FRMPD4: variants seen among roughly 807,000 people sequenced by gnomAD.
FRMPD4 encodes FERM and PDZ domain containing 4, also known as FERM and PDZ domain-containing protein 4.
Under a neutral mutation model 94.1 loss-of-function variants are expected in FRMPD4, and 22 were observed. That is an observed-to-expected ratio of 0.23 (90% CI 0.17 to 0.33). The LOEUF is 0.33. Ranked by LOEUF, FRMPD4 falls within the 10% of genes least tolerant of loss-of-function variation. The pLI, the probability that FRMPD4 is intolerant of heterozygous loss-of-function variation, is 1.00. For synonymous variants in FRMPD4, 631 were observed against 548.6 expected, an observed-to-expected ratio of 1.15 and a Z score of -2.10; for missense variants, 1,111 against 1,339.9, an observed-to-expected ratio of 0.83 and a Z score of 2.67.
chrX:12,079,513 T>C (rs2055046337), intron 3 of FRMPD4, among the ~76,000 whole-genome samples: 1 of 112,035 alleles, frequency 8.9e-6, no homozygotes, highest in South Asian at 3.7e-4. Context: ...AAGACTTTAT[T>C]TTTTAGCCCT....
chrX:12,598,395 G>A (rs1470868520), intron 2 of FRMPD4, among the ~76,000 whole-genome samples: 1 of 111,647 alleles, frequency 9.0e-6, no homozygotes, highest in African/African-American at 3.3e-5. Flanking sequence ...TTAGCACTTC[G>A]AGGTCTCAAA....
At position 12,489,149 on chromosome X, in the gene FRMPD4, A is replaced by C. The variant is rs541441683; in HGVS notation, c.42-9531A>C. On this transcript the variant is annotated intron_variant, in intron 1 of 16. Transcript: ENST00000675598. ...TAGCCTCCTCAGAATAGTTTTTAGGAAATATTTTGGTTTCCTTACTCAGAA... is the reference window on the plus strand; with the variant it reads ...TAGCCTCCTCAGAATAGTTTTTAGGCAATATTTTGGTTTCCTTACTCAGAA... 1.7e-4 allele frequency among the ~76,000 whole-genome samples: 19 copies of C among 112,040 alleles called. No homozygotes were observed. The Middle Eastern group carries it at 0.014, about 82-fold the overall frequency.
intron 4 of FRMPD4, among the ~76,000 whole-genome samples, chrX:12,673,512 G>A (rs904648951): frequency 9.0e-6 from 1 of 111,648 alleles, no homozygotes; most frequent in Non-Finnish European, 1.9e-5. Context: ...CTTGGTCATG[G>A]TGCTTGTGAC....
At chrX:12,259,291 T>C (rs2147823086) in intron 1 of FRMPD4, among the ~76,000 whole-genome samples, 1 of 111,329 alleles carries the variant, frequency 9.0e-6, no homozygotes, top group East Asian at 2.8e-4. Context: ...TTTTATGGTT[T>C]TTAGGGTGGG....
chrX:12,495,898 T>C (rs929766694), intron 1 of FRMPD4, among the ~76,000 whole-genome samples: 11 of 111,571 alleles, frequency 9.9e-5, no homozygotes, highest in African/African-American at 3.6e-4. Flanking sequence ...AGTTCCTCCA[T>C]GGGGGATTCC....
intron 9 of FRMPD4, among the ~76,000 whole-genome samples, chrX:12,701,444 C>T (rs1364072936): frequency 9.0e-6 from 1 of 110,750 alleles, no homozygotes; most frequent in Non-Finnish European, 1.9e-5. Context: ...AACTGAGGCA[C>T]AGACAATTAA....
intron 3 of FRMPD4, among the ~76,000 whole-genome samples, chrX:12,099,203 TA>T (rs1343940661): frequency 1.8e-5 from 2 of 110,243 alleles, no homozygotes; most frequent in Non-Finnish European, 3.8e-5. Context: ...ACATGTACCC[TA>T]AAACTTAAAG....
chrX:12,446,029 T>A (rs1401138549), intron 1 of FRMPD4, among the ~76,000 whole-genome samples: 4 of 112,317 alleles, frequency 3.6e-5, no homozygotes, highest in African/African-American at 1.3e-4. Context: ...TTACTGCTAA[T>A]GTGACTTGGG....
chrX:11,896,635 C>T (rs922947909), intron 3 of FRMPD4, among the ~76,000 whole-genome samples: 3 of 111,881 alleles, frequency 2.7e-5, no homozygotes, highest in Non-Finnish European at 5.6e-5. Context: ...GCTTATAAGG[C>T]ACCCATTTTG....
intron 1 of FRMPD4, among the ~76,000 whole-genome samples, chrX:12,487,406 T>C (rs1218991768): frequency 1.8e-5 from 2 of 112,257 alleles, no homozygotes; most frequent in Non-Finnish European, 3.8e-5. Flanking sequence ...CAAATTGGTT[T>C]CCATCACTAC....
chrX:11,909,988 G>A (rs993729415), intron 3 of FRMPD4, among the ~76,000 whole-genome samples: 2 of 111,646 alleles, frequency 1.8e-5, no homozygotes, highest in Non-Finnish European at 3.8e-5. Context: ...ATACTTGAAA[G>A]TATGTTCTTG....
At chrX:12,365,845 CTTTAT>C (rs199975478) in intron 1 of FRMPD4, among the ~76,000 whole-genome samples, 2,207 of 112,023 alleles carry the variant, frequency 0.02, 58 homozygotes, top group African/African-American at 0.067. Context: ...CTACCATCTT[CTTTAT>C]TTTATTTTCT....
intron 2 of FRMPD4, among the ~76,000 whole-genome samples, chrX:12,510,814 T>C (rs2058034554): frequency 8.9e-6 from 1 of 112,095 alleles, no homozygotes; most frequent in African/African-American, 3.2e-5. Flanking sequence ...GCATCTAGCA[T>C]TTGGGCTAGT....
chrX:12,318,734 A>G (rs1286862569), intron 1 of FRMPD4, among the ~76,000 whole-genome samples: 3 of 111,355 alleles, frequency 2.7e-5, no homozygotes, highest in Non-Finnish European at 3.8e-5. Context: ...ATAGTTAACA[A>G]TAATTTATTG....
At chrX:12,348,078 A>G (rs1374080833) in intron 1 of FRMPD4, among the ~76,000 whole-genome samples, 1 of 112,135 alleles carries the variant, frequency 8.9e-6, no homozygotes, top group African/African-American at 3.2e-5. Context: ...TATTAAGGAT[A>G]GATTTCACTA....
At chrX:12,638,381 C>T in intron 4 of FRMPD4, among the ~76,000 whole-genome samples, 1 of 111,648 alleles carries the variant, frequency 9.0e-6, no homozygotes, top group African/African-American at 3.3e-5. Context: ...GGACTATAGG[C>T]ATGCCCCATC....
chrX:12,677,705 A>G (rs1221750204), intron 5 of FRMPD4, among the ~76,000 whole-genome samples: 2 of 111,635 alleles, frequency 1.8e-5, no homozygotes, highest in Non-Finnish European at 3.8e-5. Context: ...AAAGATAGAG[A>G]GCCAATGTTT....
chrX:12,459,499 C>A (rs1422151638), intron 1 of FRMPD4, among the ~76,000 whole-genome samples: 1 of 111,430 alleles, frequency 9.0e-6, no homozygotes, highest in Admixed American at 9.6e-5. Context: ...CCCAGATATC[C>A]ACTAACTGGC....
chrX:11,858,036 T>A (rs1227606285), intron 1 of FRMPD4, among the ~76,000 whole-genome samples: 1 of 111,273 alleles, frequency 9.0e-6, no homozygotes, highest in East Asian at 2.8e-4. Context: ...ATGACTATTA[T>A]TAAAAAGCCA....
Sources: gnomAD v4.1 joint callset for allele counts (sites outside exome capture counted in the v4.1 genomes callset) on GRCh38, gnomAD v4.1.1 for gene constraint, MANE v1.5 for transcripts, NCBI Gene and HGNC (gene_info 2026-07-23, HGNC 2026-07-21) for gene names.